Variants in CCDC88C observed in about 807,000 individuals in gnomAD.
CCDC88C encodes the protein protein Daple.
In CCDC88C, 131 loss-of-function variants were observed where a neutral mutation model predicts 198.8. The ratio of observed to expected loss-of-function variants is 0.66; its 90% CI spans 0.57 to 0.76. The LOEUF (loss-of-function observed/expected upper bound fraction) is 0.76, where lower values mean the gene tolerates loss of function less well. Among genes scored for constraint, CCDC88C ranks in the 30% least tolerant of loss-of-function variants. The pLI is 0.00. For synonymous variants in CCDC88C, 1,166 were observed against 1,114.7 expected, an observed-to-expected ratio of 1.05 and a Z score of -0.92; for missense variants, 2,553 against 2,631.6, an observed-to-expected ratio of 0.97 and a Z score of 0.65.
rs1450931207 is a variant in CCDC88C, at chr14:91,324,918, C to T, written c.1203G>A (p.Arg401=). ...KSKLHDLELD[R]DTDKKRIEEL... ...CCTCAATTCGTTTCTTATCTGTGTC[C>T]CGGTCCTGGGGCAAGCAAGAAGAGG... The change falls in exon 12 of 30, where the codon CGG becomes CGA. Residue 401 remains arginine (R), a synonymous_variant. Coordinates refer to ENST00000389857, the MANE Select transcript of CCDC88C (RefSeq NM_001080414.4). The T allele has an allele frequency of 1.9e-6, 3 of 1,613,600 alleles. No individual in the cohort carries two copies. The highest frequency in any genetic ancestry group is 2.5e-6 in the Non-Finnish European group (3 of 1,179,880).
rs967800875 is a variant in CCDC88C at position 91,314,212 on chromosome 14, G to T, written c.1666-62C>A. 4.5e-6 allele frequency: 6 copies of T among 1,332,396 alleles called. No homozygotes were observed. The African/African-American group carries it at 5.8e-5, about 13-fold the overall frequency. The allele number at this position is 1,332,396 out of a possible 1,614,324, so 82.5% of individuals were successfully genotyped here. A position where few individuals can be genotyped will look rare whatever the true frequency, so the allele number is the denominator to read the frequency against. On this transcript the variant is annotated intron_variant, in intron 14 of 29. Coordinates refer to ENST00000389857, the MANE Select transcript of CCDC88C (RefSeq NM_001080414.4). Reference sequence around the variant, plus strand: ...GCAGGAACCTATTTCAGTGACATGGGCTCACACTGGGGATGGGAGAGAGAA... The same window carrying T: ...GCAGGAACCTATTTCAGTGACATGGTCTCACACTGGGGATGGGAGAGAGAA...
At chr14:91,276,613 G>A (rs188405710) in intron 29 of CCDC88C, among the ~76,000 whole-genome samples, 87 of 152,342 alleles carry the variant, frequency 5.7e-4, no homozygotes, top group African/African-American at 2.0e-3. Flanking sequence ...CTGTGTCACT[G>A]TGCCCTAGTA....
At chr14:91,384,395 G>A (rs1884999149) in intron 3 of CCDC88C, 24 of 497,320 alleles carry the variant, frequency 4.8e-5, no homozygotes, top group South Asian at 7.3e-5. Flanking sequence ...CCTTTCCAGG[G>A]AAGCGGAAGG....
intron 26 of CCDC88C, among the ~76,000 whole-genome samples, chr14:91,282,832 C>T (rs1261761500): frequency 6.6e-6 from 1 of 152,132 alleles, no homozygotes; most frequent in African/African-American, 2.4e-5. Context: ...GGGGCCAAGG[C>T]AAGAGCATTG....
chr14:91,409,495 T>TC (rs1304735464), intron 2 of CCDC88C, among the ~76,000 whole-genome samples: 3 of 150,956 alleles, frequency 2.0e-5, no homozygotes, highest in African/African-American at 7.3e-5. Context: ...CATTTCTTTT[T>TC]TTTTTTTTTT....
Position 91,408,310 on chromosome 14 carries a change from G to A in CCDC88C, c.270+349C>T, listed in dbSNP as rs1886614826. ...ATAAAGAGCCACTGAGCCAGGGGCT[G>A]CGGATAACCACCTCAGGGTCACCTT... On this transcript the variant is annotated intron_variant, in intron 3 of 29. Coordinates refer to ENST00000389857, the MANE Select transcript of CCDC88C (RefSeq NM_001080414.4). 3 of 249,826 alleles carry A rather than the reference G, an allele frequency of 1.2e-5. No homozygotes were observed. The South Asian group carries it at 1.5e-4, about 13-fold the overall frequency. 15.5% of individuals were successfully genotyped at this position (249,826 alleles called of 1,614,324 possible). A position where few individuals can be genotyped will look rare whatever the true frequency, so the allele number is the denominator to read the frequency against.
At chr14:91,341,245 C>T (rs1414823462) in intron 6 of CCDC88C, among the ~76,000 whole-genome samples, 1 of 152,138 alleles carries the variant, frequency 6.6e-6, no homozygotes, top group African/African-American at 2.4e-5. Context: ...AGACCCAATG[C>T]TGGGGAAACT....
At position 91,313,950 on chromosome 14, in the gene CCDC88C, C is replaced by T. The variant is rs1891973652; in HGVS notation, c.1866G>A (p.Gln622=). 5.0e-6 allele frequency: 8 copies of T among 1,613,636 alleles called. No homozygotes were observed. The highest frequency in any genetic ancestry group is 6.8e-6 in the Non-Finnish European group (8 of 1,179,864). ...EKRQLHRDLE[Q]AKEKGERAEK... The stretch of plus-strand genomic sequence containing the variant: ...CTGCCCGCTCCCCCTTCTCCTTGGC[C>T]TGCTCCAAGTCCCTGTGCAGCTGCC... The change falls in exon 15 of 30, where the codon CAG becomes CAA. Residue 622 remains glutamine (Q), a synonymous_variant. Transcript: ENST00000389857. The surrounding 1 kb of genome is among the most constrained non-coding windows in gnomAD (Gnocchi z 5.2).
intron 20 of CCDC88C, 93 bp from the exon 21 acceptor site, chr14:91,300,163 G>A (rs1891208623): frequency 6.7e-7 from 1 of 1,500,282 alleles, no homozygotes. Context: ...CCTCCCGTGA[G>A]AAAATGGGAT....
intron 1 of CCDC88C, 183 bp from the exon 2 acceptor site, chr14:91,417,021 G>T (rs886460383): frequency 2.9e-6 from 2 of 692,094 alleles, no homozygotes; most frequent in Admixed American, 2.0e-5. Flanking sequence ...CCCTCCCCGC[G>T]CGGGGCAACA....
chr14:91,285,583 G>T, intron 25 of CCDC88C: 3 of 1,197,184 alleles, frequency 2.5e-6, no homozygotes, highest in South Asian at 1.4e-5. Context: ...CGGCCATCTG[G>T]CCTTTTAGAC....
intron 3 of CCDC88C, chr14:91,384,402 A>G: frequency 2.0e-6 from 1 of 509,454 alleles, no homozygotes; most frequent in South Asian, 1.4e-5. Flanking sequence ...AGGGAAGCGG[A>G]AGGTAGACCA....
rs747824457 is a variant in CCDC88C at position 91,273,082 on chromosome 14, C to T, written c.5630G>A (p.Arg1877His). ...AGSSCQGPGP[R>H]SRPLDTRRFS... The stretch of plus-strand genomic sequence containing the variant: ...GCGCCTCGTGTCCAGCGGCCGGCTG[C>T]GGGGACCTGGGCCCTGACAGGAGCT... The change falls in exon 30 of 30, where the codon CGC (arginine) becomes CAC (histidine). Residue 1877 changes from arginine (R) to histidine (H), a missense_variant. Arg to His is a conservative substitution (Grantham distance 29). Coordinates refer to ENST00000389857, the MANE Select transcript of CCDC88C (RefSeq NM_001080414.4). The surrounding 1 kb of genome is among the most constrained non-coding windows in gnomAD (Gnocchi z 5.6). The T allele has an allele frequency of 6.4e-6, 10 of 1,560,542 alleles. No individual in the cohort carries two copies. The highest frequency in any genetic ancestry group is 1.7e-4 in the Middle Eastern group (1 of 5,950).
At chr14:91,324,662 T>C (rs1892507952) in intron 12 of CCDC88C, 117 bp downstream of exon 12, 12 of 1,283,516 alleles carry the variant, frequency 9.3e-6, no homozygotes, top group African/African-American at 1.5e-5. Flanking sequence ...AAGGAAATCA[T>C]GTTTGCCTGG....
At chr14:91,308,146 C>T (rs549916186) in intron 17 of CCDC88C, among the ~76,000 whole-genome samples, 6 of 152,194 alleles carry the variant, frequency 3.9e-5, no homozygotes, top group African/African-American at 1.2e-4. Context: ...CCCGCCTCCC[C>T]GCAGGCCTGT....
chr14:91,365,078 G>A (rs948520188), intron 3 of CCDC88C, among the ~76,000 whole-genome samples: 1 of 152,172 alleles, frequency 6.6e-6, no homozygotes, highest in Non-Finnish European at 1.5e-5. Context: ...CCAATGCTGT[G>A]ACGCTAAGCA....
chr14:91,378,980 G>A (rs888117300), intron 3 of CCDC88C: 11 of 152,316 alleles, frequency 7.2e-5, no homozygotes, highest in African/African-American at 2.2e-4. Context: ...AAGTTACTCC[G>A]GGATACCCTT....
chr14:91,412,572 C>T (rs1276582093), intron 2 of CCDC88C, among the ~76,000 whole-genome samples: 1 of 151,940 alleles, frequency 6.6e-6, no homozygotes, highest in Non-Finnish European at 1.5e-5. Context: ...GTAGCTGGGA[C>T]TACAGGCGCC....
At chr14:91,317,448 C>T (rs1443803464) in intron 13 of CCDC88C, among the ~76,000 whole-genome samples, 1 of 152,330 alleles carries the variant, frequency 6.6e-6, no homozygotes, top group East Asian at 1.9e-4. Flanking sequence ...GGTTGCCAGG[C>T]CTGAAGCACA....
Sources: allele counts gnomAD v4.1 joint callset (sites outside exome capture counted in the v4.1 genomes callset), GRCh38; gene constraint gnomAD v4.1.1; non-coding constraint Gnocchi (gnomAD v3.1); transcripts MANE v1.5; gene names NCBI Gene and HGNC (gene_info 2026-07-23, HGNC 2026-07-21).